Variants in WWOX observed in about 807,000 individuals in gnomAD.
The protein encoded by WWOX is WW domain containing oxidoreductase, also known as WW domain-containing oxidoreductase.
Under a neutral mutation model 46.2 loss-of-function variants are expected in WWOX, and 69 were observed. The ratio of observed to expected loss-of-function variants is 1.49; its 90% confidence interval spans 1.23 to 1.82. The LOEUF (loss-of-function observed/expected upper bound fraction) is 1.82. WWOX is among the 40% of genes most tolerant of loss of function. The pLI is 0.00. For missense variants in WWOX, 919 were observed against 542.6 expected, an observed-to-expected ratio of 1.69 and a Z score of -6.89; for synonymous variants, 359 against 202.6, an observed-to-expected ratio of 1.77 and a Z score of -6.56.
chr16:78,887,891 T>G (rs1259393604), intron 8 of WWOX, among the ~76,000 whole-genome samples: 1 of 152,142 alleles, frequency 6.6e-6, no homozygotes, highest in Non-Finnish European at 1.5e-5. Context: ...ATCCTAGACA[T>G]TTCATGTAAA....
chr16:78,612,810 A>G (rs2045931923), intron 8 of WWOX, among the ~76,000 whole-genome samples: 2 of 152,206 alleles, frequency 1.3e-5, no homozygotes, highest in East Asian at 3.9e-4. Flanking sequence ...AATGAAGGCT[A>G]CAATATTTAC....
intron 7 of WWOX, among the ~76,000 whole-genome samples, chr16:78,427,801 T>TA (rs551264093): frequency 2.0e-5 from 3 of 149,738 alleles, no homozygotes; most frequent in African/African-American, 4.9e-5. Context: ...AAAAATTGTT[T>TA]AAAAAAAATG....
chr16:78,396,803 G>C lies in WWOX; in HGVS notation c.605+9855G>C, dbSNP rs1160132667. Reference sequence around the variant, plus strand: ...GAATACATTGTTGAGTGTTACATGAGACTATTGTAATATAAAAGTAGCCTG... The same window carrying C: ...GAATACATTGTTGAGTGTTACATGACACTATTGTAATATAAAAGTAGCCTG... On this transcript the variant is annotated intron_variant, in intron 6 of 8. Coordinates refer to ENST00000566780, the MANE Select transcript of WWOX (RefSeq NM_016373.4). Among the ~76,000 whole-genome samples the C allele has an allele frequency of 2.6e-5, 4 of 152,312 alleles. No homozygotes were observed. The East Asian group carries it at 7.7e-4, about 29-fold the overall frequency.
chr16:78,865,152 T>C (rs191047009), intron 8 of WWOX, among the ~76,000 whole-genome samples: 253 of 152,308 alleles, frequency 1.7e-3, no homozygotes, highest in African/African-American at 5.7e-3. Flanking sequence ...ATAAATTCCG[T>C]ACATTTTAAA....
intron 8 of WWOX, among the ~76,000 whole-genome samples, chr16:78,575,623 C>T (rs906711802): frequency 6.6e-6 from 1 of 152,114 alleles, no homozygotes; most frequent in Non-Finnish European, 1.5e-5. Context: ...TAATAAGCAC[C>T]TACTGTGTGC....
intron 8 of WWOX, among the ~76,000 whole-genome samples, chr16:78,549,390 C>T (rs887255980): frequency 6.6e-6 from 1 of 152,194 alleles, no homozygotes; most frequent in Non-Finnish European, 1.5e-5. Flanking sequence ...GGTTTTTAGA[C>T]AGAATATCAC....
chr16:79,116,369 G>A (rs2049516004), intron 8 of WWOX, among the ~76,000 whole-genome samples: 1 of 152,188 alleles, frequency 6.6e-6, no homozygotes, highest in Admixed American at 6.5e-5. Flanking sequence ...AGTGGAATCA[G>A]TTCTCTCAAA....
chr16:78,816,301 G>A (rs1184849313), intron 8 of WWOX, among the ~76,000 whole-genome samples: 1 of 152,146 alleles, frequency 6.6e-6, no homozygotes, highest in African/African-American at 2.4e-5. Flanking sequence ...AAAACTCTGT[G>A]AATGTTCACT....
chr16:78,728,509 G>C (rs1411727015), intron 8 of WWOX, among the ~76,000 whole-genome samples: 1 of 152,166 alleles, frequency 6.6e-6, no homozygotes, highest in Non-Finnish European at 1.5e-5. Context: ...TCAGTCTCTT[G>C]TGATATCACA....
chr16:78,950,491 A>G (rs1001431005), intron 8 of WWOX, among the ~76,000 whole-genome samples: 1 of 151,182 alleles, frequency 6.6e-6, no homozygotes, highest in Non-Finnish European at 1.5e-5. Context: ...TTGAGGAAAG[A>G]CAAAGCAAAC....
Position 78,702,124 on chromosome 16 carries a change from T to TATATATATATATA in WWOX, c.1056+269372_1056+269373insATATATATATATA, listed in dbSNP as rs777394763. Among the ~76,000 whole-genome samples, 67 of 105,518 alleles carry TATATATATATATA rather than the reference T, an allele frequency of 6.3e-4. 1 individual carries two copies. Among genetic ancestry groups the TATATATATATATA allele is most frequent in the Middle Eastern group, 4.4e-3 (1 of 228 alleles). The allele number at this position is 105,518 out of a possible 152,430, so 69.2% of individuals were successfully genotyped here. On this transcript the variant is annotated intron_variant, in intron 8 of 8. Coordinates refer to ENST00000566780, the MANE Select transcript of WWOX (RefSeq NM_016373.4). ...GTTATATATATATATATATATATAT[T>TATATATATATATA]TATTTATTTTCAAGACATGGTGGCA...
intron 8 of WWOX, chr16:78,691,408 A>C: frequency 1.6e-6 from 1 of 643,000 alleles, no homozygotes; most frequent in Admixed American, 2.3e-5. Flanking sequence ...TGCTTTAGAA[A>C]ACATCTGGCT....
At chr16:78,391,995 CTT>C (rs68032135) in intron 6 of WWOX, among the ~76,000 whole-genome samples, 69 of 144,968 alleles carry the variant, frequency 4.8e-4, no homozygotes, top group Non-Finnish European at 7.8e-4. Flanking sequence ...GTTTTGTCTC[CTT>C]TTTTTTTTTT....
chr16:78,978,521 A>T (rs1236317749), intron 8 of WWOX, among the ~76,000 whole-genome samples: 1 of 152,154 alleles, frequency 6.6e-6, no homozygotes, highest in African/African-American at 2.4e-5. Flanking sequence ...GCACTGCTAT[A>T]AAGAAATGCC....
chr16:79,161,419 C>A (rs79381955), intron 8 of WWOX, among the ~76,000 whole-genome samples: 462 of 152,068 alleles, frequency 3.0e-3, no homozygotes, highest in African/African-American at 0.011. Flanking sequence ...AAATAAGCAC[C>A]CGATGAATAC....
chr16:78,375,341 C>G (rs751944655), intron 5 of WWOX, among the ~76,000 whole-genome samples: 3 of 152,196 alleles, frequency 2.0e-5, no homozygotes, highest in African/African-American at 4.8e-5. Context: ...CCTGAGTTTC[C>G]AAATGGCTTA....
rs886615200 is a variant in WWOX, at chr16:78,434,025, G to A, written c.1056+1273G>A. 2.6e-5 allele frequency among the ~76,000 whole-genome samples: 4 copies of A among 151,982 alleles called. No homozygotes were observed. In the East Asian group the frequency reaches 5.8e-4, roughly 22 times the overall value. On this transcript the variant is annotated intron_variant, in intron 8 of 8. Transcript: ENST00000566780. ...GGGATGGTCTCAATCTCCTGACCTC[G>A]TGATCCGCCCGCCTCGGCCTCCCAA...
At position 78,115,067 on chromosome 16, in the gene WWOX, G is replaced by A. The variant is rs747575799; in HGVS notation, c.322G>A (p.Asp108Asn). The change falls in exon 4 of 9, where the codon GAC (aspartate) becomes AAC (asparagine). Residue 108 changes from aspartate (D) to asparagine (N), a missense_variant. Physicochemically the swap from Asp to Asn is conservative, Grantham distance 23. Coordinates refer to ENST00000566780, the MANE Select transcript of WWOX (RefSeq NM_016373.4). ...PTKPTTRQRY[D>N]GSTTAMEILQ... Reference sequence around the variant, plus strand: ...CAAGCCAACCACCCGGCAAAGATACGACGGCAGCACCACTGCCATGGAAAT... The same window carrying A: ...CAAGCCAACCACCCGGCAAAGATACAACGGCAGCACCACTGCCATGGAAAT... The A allele has an allele frequency of 8.1e-6, 13 of 1,614,056 alleles. No homozygotes were observed. In the African/African-American group the frequency reaches 1.1e-4, roughly 13 times the overall value.
At chr16:78,309,884 C>T (rs560566724) in intron 5 of WWOX, among the ~76,000 whole-genome samples, 1 of 152,120 alleles carries the variant, frequency 6.6e-6, no homozygotes, top group Non-Finnish European at 1.5e-5. Flanking sequence ...TTAGAGTGTT[C>T]TCCTATGTAA....
Sources: allele counts gnomAD v4.1 joint callset (sites outside exome capture counted in the v4.1 genomes callset), GRCh38; gene constraint gnomAD v4.1.1; transcripts MANE v1.5; gene names NCBI Gene and HGNC (gene_info 2026-07-23, HGNC 2026-07-21).